PTPRT: variants seen among roughly 807,000 people sequenced by gnomAD.
PTPRT encodes the protein protein tyrosine phosphatase receptor type T, also known as receptor-type tyrosine-protein phosphatase T.
Under a neutral mutation model 176.8 loss-of-function variants are expected in PTPRT, and 56 were observed. That is an observed-to-expected ratio of 0.32 (90% CI 0.26 to 0.40). The LOEUF (loss-of-function observed/expected upper bound fraction) is 0.40. Among genes scored for constraint, PTPRT ranks in the 10% least tolerant of loss-of-function variants. The probability of loss-of-function intolerance (pLI) is 1.00; values close to 1 mark genes in which losing one functional copy is unlikely to be tolerated. For synonymous variants in PTPRT, 783 were observed against 739.0 expected (o/e 1.06, Z -0.96); for missense variants, 1,540 against 1,908.2 (o/e 0.81, Z 3.60).
intron 6 of PTPRT, among the ~76,000 whole-genome samples, chr20:42,713,767 C>G (rs1334158963): frequency 6.6e-6 from 1 of 152,072 alleles, no homozygotes; most frequent in African/African-American, 2.4e-5. Context: ...TGGTACTGTC[C>G]TTACTATAGT....
intron 13 of PTPRT, among the ~76,000 whole-genome samples, chr20:42,279,858 G>C (rs1220608653): frequency 1.3e-5 from 2 of 152,166 alleles, no homozygotes; most frequent in African/African-American, 4.8e-5. Flanking sequence ...TCCAGGGTCA[G>C]GGACCAGACA....
chr20:42,150,582 G>C (rs1758705893), intron 17 of PTPRT, among the ~76,000 whole-genome samples: 1 of 152,166 alleles, frequency 6.6e-6, no homozygotes, highest in Non-Finnish European at 1.5e-5. Context: ...CATTTGTCTT[G>C]TCAAGAAATA....
intron 7 of PTPRT, among the ~76,000 whole-genome samples, chr20:42,560,522 G>T (rs2145647222): frequency 6.6e-6 from 1 of 152,280 alleles, no homozygotes; most frequent in East Asian, 1.9e-4. Context: ...GACCAAAAAT[G>T]TCCTCTGGGG....
At chr20:43,167,319 C>T (rs751995443) in intron 1 of PTPRT, among the ~76,000 whole-genome samples, 3 of 152,128 alleles carry the variant, frequency 2.0e-5, no homozygotes, top group Non-Finnish European at 2.9e-5. Flanking sequence ...AATAAGTAAC[C>T]AGATCAAATC....
At chr20:42,446,829 A>G (rs2070741716) in intron 9 of PTPRT, among the ~76,000 whole-genome samples, 2 of 152,074 alleles carry the variant, frequency 1.3e-5, no homozygotes, top group African/African-American at 4.8e-5. Flanking sequence ...GGCCTGAGAA[A>G]ACTCATAAGT....
At chr20:42,860,010 A>G (rs1416329696) in intron 2 of PTPRT, among the ~76,000 whole-genome samples, 1 of 152,114 alleles carries the variant, frequency 6.6e-6, no homozygotes, top group African/African-American at 2.4e-5. Flanking sequence ...CCAAAATTAA[A>G]TATTTATTTA....
chr20:42,706,219 ATG>A (rs2076057011), intron 6 of PTPRT, among the ~76,000 whole-genome samples: 4 of 102,998 alleles, frequency 3.9e-5, no homozygotes, highest in South Asian at 3.1e-4. Context: ...GTGTGTGTGT[ATG>A]TGTGTGTGTG....
intron 1 of PTPRT, among the ~76,000 whole-genome samples, chr20:42,986,220 G>A (rs556608438): frequency 5.8e-4 from 88 of 152,268 alleles, no homozygotes; most frequent in Non-Finnish European, 9.9e-4. Flanking sequence ...AAATGGGAGC[G>A]GCCTCAAGCC....
intron 2 of PTPRT, among the ~76,000 whole-genome samples, chr20:42,854,915 CT>C (rs2078535427): frequency 6.6e-6 from 1 of 152,226 alleles, no homozygotes; most frequent in African/African-American, 2.4e-5. Flanking sequence ...AGGAAATCAT[CT>C]TCTAAAAACC....
At chr20:42,961,061 AC>A (rs1344708940) in intron 1 of PTPRT, among the ~76,000 whole-genome samples, 1 of 152,220 alleles carries the variant, frequency 6.6e-6, no homozygotes, top group Non-Finnish European at 1.5e-5. Context: ...TCCATGAAAA[AC>A]AATTCTTTTT....
At chr20:42,236,194 G>C (rs1208321444) in intron 15 of PTPRT, 35 bp downstream of exon 15, 1 of 1,555,170 alleles carries the variant, frequency 6.4e-7, no homozygotes, top group African/African-American at 1.4e-5. Flanking sequence ...CCCTTACAGG[G>C]CACGAAGCAA....
intron 15 of PTPRT, among the ~76,000 whole-genome samples, chr20:42,213,699 C>T (rs548709912): frequency 1.4e-3 from 215 of 152,104 alleles, no homozygotes; most frequent in African/African-American, 4.8e-3. Flanking sequence ...ACAAAGGTGG[C>T]GATGGGAGTG....
chr20:42,115,630 T>C lies in PTPRT; in HGVS notation c.2983-315A>G, dbSNP rs545261994. 2.0e-5 allele frequency among the ~76,000 whole-genome samples: 3 copies of C among 152,358 alleles called. No homozygotes were observed. In the East Asian group the frequency reaches 5.8e-4, roughly 29 times the overall value. ...AACAAGGTGAGATAGGTGGGTGTTA[T>C]TGTCCCCACTTTACAGATGAAAATA... On this transcript the variant is annotated intron_variant, in intron 21 of 30. Transcript: ENST00000373187.
At chr20:42,632,367 T>C (rs1569035820) in intron 7 of PTPRT, among the ~76,000 whole-genome samples, 1 of 152,032 alleles carries the variant, frequency 6.6e-6, no homozygotes, top group Admixed American at 6.6e-5. Flanking sequence ...GCCTCCTTAA[T>C]AGCTGGGATT....
chr20:42,184,518 C>CTTCTTCTTCTTCTTCTTCTT (rs1555797923), intron 16 of PTPRT, among the ~76,000 whole-genome samples: 1 of 54,398 alleles, frequency 1.8e-5, no homozygotes, highest in Non-Finnish European at 4.6e-5. Context: ...TCCTCCTCCT[C>CTTCTTCTTCTTCTTCTTCTT]CTTCTTCTTC....
At chr20:42,999,663 T>G (rs991939453) in intron 1 of PTPRT, among the ~76,000 whole-genome samples, 1 of 151,592 alleles carries the variant, frequency 6.6e-6, no homozygotes, top group Non-Finnish European at 1.5e-5. Flanking sequence ...TTTAATCAGC[T>G]GGGCATGATG....
the PTPRT span, among the ~76,000 whole-genome samples, chr20:42,060,307 C>T: frequency 6.6e-6 from 1 of 152,136 alleles, no homozygotes; most frequent in African/African-American, 2.4e-5. Context: ...TAAACTTGAC[C>T]TTCACAGATC....
intron 7 of PTPRT, among the ~76,000 whole-genome samples, chr20:42,584,183 C>T (rs191191764): frequency 2.0e-5 from 3 of 152,322 alleles, no homozygotes; most frequent in Admixed American, 6.5e-5. Context: ...TTCCTGACCA[C>T]AAAATCATGA....
chr20:42,357,542 G>T (rs2058374178), intron 9 of PTPRT, among the ~76,000 whole-genome samples: 1 of 152,162 alleles, frequency 6.6e-6, no homozygotes, highest in African/African-American at 2.4e-5. Flanking sequence ...GTTGCAGAGT[G>T]ACCCCCATTT....
Sources: allele counts gnomAD v4.1 joint callset (sites outside exome capture counted in the v4.1 genomes callset), GRCh38; gene constraint gnomAD v4.1.1; transcripts MANE v1.5; gene names NCBI Gene and HGNC (gene_info 2026-07-23, HGNC 2026-07-21).